Variants in CCNT2 observed in about 807,000 individuals in gnomAD.
The protein encoded by CCNT2 is cyclin T2.
In CCNT2, 18 loss-of-function variants were observed where a neutral mutation model predicts 70.0. The ratio of observed to expected loss-of-function variants is 0.26; its 90% CI spans 0.18 to 0.38. CCNT2 has a LOEUF of 0.38. Ranked by LOEUF, CCNT2 falls within the 10% of genes least tolerant of loss-of-function variation. The pLI is 1.00. For missense variants in CCNT2, 734 were observed against 890.2 expected, an observed-to-expected ratio of 0.82 and a Z score of 2.23; for synonymous variants, 334 against 313.3, an observed-to-expected ratio of 1.07 and a Z score of -0.70.
chr2:134,923,169 T>G (rs1329975012), intron 2 of CCNT2, among the ~76,000 whole-genome samples: 1 of 152,054 alleles, frequency 6.6e-6, no homozygotes, highest in Non-Finnish European at 1.5e-5. Flanking sequence ...TAATCCCAGC[T>G]ACTGGGGAGG....
In CCNT2 at chr2:134,955,086, C is replaced by T. The variant is rs1450121976; in HGVS notation, c.*438C>T. On this transcript the variant is annotated 3_prime_UTR_variant, in exon 9 of 9. Transcript: ENST00000264157. ...ATGTTTCAATGATAAAGGGATAAAA[C>T]AGTATACTGACAACTGTTTACAAGA... 1.2e-5 allele frequency: 2 copies of T among 162,526 alleles called. No homozygotes were observed. Among genetic ancestry groups the T allele is most frequent in the East Asian group, 1.7e-4 (1 of 5,800 alleles). The allele number at this position is 162,526 out of a possible 1,614,324, so 10.1% of individuals were successfully genotyped here. A position where few individuals can be genotyped will look rare whatever the true frequency, so the allele number is the denominator to read the frequency against.
intron 2 of CCNT2, among the ~76,000 whole-genome samples, chr2:134,921,191 G>A (rs1679872129): frequency 1.3e-5 from 2 of 152,174 alleles, no homozygotes; most frequent in Non-Finnish European, 2.9e-5. Context: ...TATAAATTTG[G>A]CATTCCTTAC....
chr2:134,937,787 G>A (rs1374888353), intron 3 of CCNT2, among the ~76,000 whole-genome samples: 10 of 152,172 alleles, frequency 6.6e-5, no homozygotes, highest in Non-Finnish European at 1.3e-4. Flanking sequence ...GGTGGCACAT[G>A]CCTGTGATCC....
chr2:134,933,516 G>A (rs977837587), intron 2 of CCNT2, among the ~76,000 whole-genome samples: 2 of 152,096 alleles, frequency 1.3e-5, no homozygotes, highest in Non-Finnish European at 1.5e-5. Flanking sequence ...AAGGAAGGGA[G>A]TCAGATCAAG....
At chr2:134,940,369 T>G (rs1277940707) in intron 4 of CCNT2, among the ~76,000 whole-genome samples, 1 of 114,678 alleles carries the variant, frequency 8.7e-6, no homozygotes, top group Non-Finnish European at 1.8e-5. Flanking sequence ...AAATTGGATA[T>G]GTCATGAATG....
chr2:134,945,246 G>T, intron 5 of CCNT2: 1 of 985,386 alleles, frequency 1.0e-6, no homozygotes, highest in Non-Finnish European at 1.2e-6. Flanking sequence ...ATTTGAGGAC[G>T]GTTAGAGGGG....
chr2:134,928,372 A>G (rs1680465386), intron 2 of CCNT2, among the ~76,000 whole-genome samples: 2 of 140,248 alleles, frequency 1.4e-5, no homozygotes, highest in Non-Finnish European at 3.0e-5. Flanking sequence ...TCTGCCTCCC[A>G]GGTTCAAGCA....
At chr2:134,940,569 T>A (rs980811850) in intron 4 of CCNT2, among the ~76,000 whole-genome samples, 6 of 152,200 alleles carry the variant, frequency 3.9e-5, no homozygotes, top group Non-Finnish European at 7.3e-5. Flanking sequence ...TAATAATACG[T>A]AACTGTACTG....
intron 2 of CCNT2, among the ~76,000 whole-genome samples, chr2:134,932,778 C>T (rs910399664): frequency 6.6e-6 from 1 of 151,900 alleles, no homozygotes; most frequent in Non-Finnish European, 1.5e-5. Context: ...AACAAATGGG[C>T]ATTTTGACTT....
At chr2:134,927,654 A>G (rs1295632952) in intron 2 of CCNT2, among the ~76,000 whole-genome samples, 1 of 152,240 alleles carries the variant, frequency 6.6e-6, no homozygotes, top group African/African-American at 2.4e-5. Context: ...AGGCCATTGC[A>G]GAACAGGAGT....
chr2:134,949,073 C>T (rs1235285323), intron 7 of CCNT2, among the ~76,000 whole-genome samples: 1 of 150,442 alleles, frequency 6.6e-6, no homozygotes, highest in African/African-American at 2.5e-5. Flanking sequence ...CAAGCTGGAG[C>T]GCAGTGGTGC....
At position 134,953,746 on chromosome 2, in the gene CCNT2, C is replaced by G. The variant is rs746056300; in HGVS notation, c.1291C>G (p.Pro431Ala). ...GPISTTPGIIPQKMSLDKYRE... is the reference protein window; with the variant it reads ...GPISTTPGIIAQKMSLDKYRE... ...AATTTCCACTACTCCAGGAATAATT[C>G]CTCAGAAAATGTCTTTAGATAAATA... Residue 431 changes from proline (P) to alanine (A), a missense_variant, in exon 9 of 9, where the codon CCT becomes GCT. Pro to Ala is a conservative substitution (Grantham distance 27, BLOSUM62 -1). Coordinates refer to ENST00000264157, the MANE Select transcript of CCNT2 (RefSeq NM_058241.3). 1 of 1,613,998 alleles carries G rather than the reference C, an allele frequency of 6.2e-7. No individual in the cohort carries two copies. The highest frequency in any genetic ancestry group is 8.5e-7 in the Non-Finnish European group (1 of 1,179,978).
intron 2 of CCNT2, among the ~76,000 whole-genome samples, chr2:134,931,520 A>G (rs1014503549): frequency 6.6e-6 from 1 of 151,760 alleles, no homozygotes. Context: ...TGCTTTTTCA[A>G]GATTGTTTTG....
At chr2:134,932,855 G>C (rs945010606) in intron 2 of CCNT2, among the ~76,000 whole-genome samples, 13 of 152,120 alleles carry the variant, frequency 8.5e-5, no homozygotes, top group Non-Finnish European at 2.9e-5. Flanking sequence ...CTTATTCTAA[G>C]ACCTTCTTTC....
intron 2 of CCNT2, among the ~76,000 whole-genome samples, chr2:134,923,061 C>T (rs553945381): frequency 6.7e-4 from 102 of 152,064 alleles, no homozygotes; most frequent in African/African-American, 2.2e-3. Context: ...TGGGCGGATC[C>T]CTTGAGGTCA....
rs1322488593 is a variant in CCNT2 at position 134,939,060 on chromosome 2, T to C, written c.428T>C (p.Leu143Pro). Residue 143 changes from leucine (L) to proline (P), a missense_variant and splice_region_variant, in exon 4 of 9, where the codon CTA (leucine) becomes CCA (proline). Coordinates refer to ENST00000264157, the MANE Select transcript of CCNT2 (RefSeq NM_058241.3). ...VILETIMLQT[L>P]GFEITIEHPH... ...CTTGAAACCATAATGCTACAAACTC[T>C]AGGTACGTACTTACATCAGATAATG... The C allele has an allele frequency of 6.2e-7, 1 of 1,603,330 alleles. No homozygotes were observed. The highest frequency in any genetic ancestry group is 2.2e-5 in the East Asian group (1 of 44,676).
chr2:134,936,783 A>G (rs988466320), intron 2 of CCNT2, 58 bp from the exon 3 acceptor site: 21 of 1,476,338 alleles, frequency 1.4e-5, no homozygotes, highest in East Asian at 2.3e-5. Context: ...AAAAGAAAAT[A>G]GAGGGTTTTT....
At chr2:134,943,442 T>C (rs1681715590) in intron 5 of CCNT2, 2 of 985,004 alleles carry the variant, frequency 2.0e-6, no homozygotes, top group South Asian at 9.4e-5. Context: ...GTTTTGCCCA[T>C]ATTCATTTGG....
chr2:134,922,886 C>T (rs554429183), intron 2 of CCNT2, among the ~76,000 whole-genome samples: 5 of 152,290 alleles, frequency 3.3e-5, no homozygotes, highest in African/African-American at 1.2e-4. Flanking sequence ...GTTCTCATAG[C>T]ACATCTCCAA....
Sources: gnomAD v4.1 joint callset for allele counts (sites outside exome capture counted in the v4.1 genomes callset) on GRCh38, gnomAD v4.1.1 for gene constraint, MANE v1.5 for transcripts, NCBI Gene and HGNC (gene_info 2026-07-23, HGNC 2026-07-21) for gene names.